The following NTM variants were observed in gnomAD, a reference collection of about 807,000 sequenced individuals.
NTM encodes IgLON family member 2.
In NTM, 13 loss-of-function variants were observed where a neutral mutation model predicts 42.1. The ratio of observed to expected loss-of-function variants is 0.31; its 90% CI spans 0.20 to 0.49. The LOEUF (loss-of-function observed/expected upper bound fraction) is 0.49. Among genes scored for constraint, NTM ranks in the 20% least tolerant of loss-of-function variants. The probability of loss-of-function intolerance (pLI) is 0.99; values close to 1 mark genes in which losing one functional copy is unlikely to be tolerated. For synonymous variants in NTM, 187 were observed against 179.2 expected (o/e 1.04, Z -0.35); for missense variants, 373 against 452.8 (o/e 0.82, Z 1.60).
chr11:131,974,546 A>G (rs1469361228), intron 2 of NTM, among the ~76,000 whole-genome samples: 2 of 152,310 alleles, frequency 1.3e-5, no homozygotes, highest in South Asian at 4.1e-4. Context: ...TGAGCATAGC[A>G]TAACGTCTGA....
At chr11:131,777,200 C>A in intron 1 of NTM, 1 of 273,434 alleles carries the variant, frequency 3.7e-6, no homozygotes, top group Non-Finnish European at 5.6e-6. Flanking sequence ...CTTTGCAAGC[C>A]TGAGCTAGAC....
At position 131,753,806 on chromosome 11, in the gene NTM, T is replaced by C. The variant is rs1309148795; in HGVS notation, c.83-157758T>C. 5.3e-5 allele frequency among the ~76,000 whole-genome samples: 8 copies of C among 151,962 alleles called. No individual in the cohort carries two copies. The South Asian group carries it at 1.0e-3, about 20-fold the overall frequency. On this transcript the variant is annotated intron_variant, in intron 1 of 8. Coordinates refer to ENST00000683400, the MANE Select transcript of NTM (RefSeq NM_001352005.2). ...TACCTAATGCTAAATGACGAATTAA[T>C]GGGTGCAGCACACCAGCATGGCACA...
At chr11:131,863,152 G>A (rs989996703) in intron 1 of NTM, among the ~76,000 whole-genome samples, 5 of 152,226 alleles carry the variant, frequency 3.3e-5, no homozygotes, top group African/African-American at 7.2e-5. Context: ...TCTAGGAAGA[G>A]TGAGATTGCA....
At chr11:132,105,117 C>T (rs1395912493) in intron 2 of NTM, among the ~76,000 whole-genome samples, 1 of 150,900 alleles carries the variant, frequency 6.6e-6, no homozygotes, top group East Asian at 2.0e-4. Context: ...TGTCAGCTCA[C>T]CCTATCTGAC....
chr11:131,657,364 T>G (rs2658816), intron 1 of NTM, among the ~76,000 whole-genome samples: 125,994 of 152,110 alleles, frequency 0.83, 52,276 homozygotes, highest in East Asian at 0.89. Flanking sequence ...GAAAAACAAG[T>G]CAAGCTTTCC....
rs574525401 is a variant in NTM, at chr11:131,375,355, T to C, written c.82+4467T>C. Among the ~76,000 whole-genome samples the C allele has an allele frequency of 1.7e-4, 26 of 152,364 alleles. 1 individual carries two copies. The South Asian group carries it at 5.0e-3, about 29-fold the overall frequency. ...CTTTCTGCTCTATTGTCTTGTTACATGTTTACTTTATGTCTATAGTCATTT... is the reference window on the plus strand; with the variant it reads ...CTTTCTGCTCTATTGTCTTGTTACACGTTTACTTTATGTCTATAGTCATTT... On this transcript the variant is annotated intron_variant, in intron 1 of 8. Coordinates refer to ENST00000683400, the MANE Select transcript of NTM (RefSeq NM_001352005.2).
intron 2 of NTM, among the ~76,000 whole-genome samples, chr11:132,124,060 A>G (rs1474490543): frequency 6.6e-6 from 1 of 152,152 alleles, no homozygotes; most frequent in East Asian, 1.9e-4. Flanking sequence ...GTTTACTACC[A>G]CACAGAGTGG....
intron 2 of NTM, chr11:131,984,636 G>A (rs1045614054): frequency 7.9e-5 from 12 of 152,096 alleles, no homozygotes; most frequent in African/African-American, 2.9e-4. Flanking sequence ...TGCATGTTGG[G>A]GTGTTTGGCA....
intron 1 of NTM, among the ~76,000 whole-genome samples, chr11:131,625,799 A>G (rs2063045454): frequency 1.3e-5 from 2 of 152,296 alleles, no homozygotes; most frequent in South Asian, 2.1e-4. Context: ...TACAACTCAC[A>G]TGAGTGAGAT....
At chr11:131,612,188 G>A (rs1169754895) in intron 1 of NTM, among the ~76,000 whole-genome samples, 1 of 152,168 alleles carries the variant, frequency 6.6e-6, no homozygotes, top group Non-Finnish European at 1.5e-5. Flanking sequence ...CTTGGAAGTG[G>A]ATCCACCCAC....
chr11:131,541,730 T>C (rs1032766527), intron 1 of NTM, among the ~76,000 whole-genome samples: 5 of 152,174 alleles, frequency 3.3e-5, no homozygotes, highest in Admixed American at 1.3e-4. Flanking sequence ...AAGAATACAA[T>C]AGCCATCTAA....
intron 4 of NTM, among the ~76,000 whole-genome samples, chr11:132,254,753 T>G (rs762105090): frequency 1.2e-4 from 18 of 152,148 alleles, no homozygotes; most frequent in Non-Finnish European, 2.4e-4. Flanking sequence ...CTCTTCTGGA[T>G]GGGTTTGGAT....
At position 131,878,569 on chromosome 11, in the gene NTM, CAAAAAAAAA is replaced by C. The variant is rs71475777; in HGVS notation, c.83-32977_83-32969del. 5.1e-4 allele frequency among the ~76,000 whole-genome samples: 3 copies of C among 5,858 alleles called. No individual in the cohort carries two copies. In the East Asian group the frequency reaches 0.016, roughly 31 times the overall value. The allele number at this position is 5,858 out of a possible 152,430, so 3.8% of individuals were successfully genotyped here. On this transcript the variant is annotated intron_variant, in intron 1 of 8. Coordinates refer to ENST00000683400, the MANE Select transcript of NTM (RefSeq NM_001352005.2). ...TAGGTGACAGAGGGAGACTCCATCT[CAAAAAAAAA>C]AAAAAAAAAAAAAAAAATATATATA...
Position 132,335,036 on chromosome 11 carries a change from C to G in NTM, c.968-10C>G. On this transcript the variant is annotated splice_polypyrimidine_tract_variant and intron_variant, in intron 8 of 8. Transcript: ENST00000683400. ...CCAGACCACTCACGGCGAGTGTGTTCTCTCCACAGGTCCAGGCGCCGTCAG... is the reference window on the plus strand; with the variant it reads ...CCAGACCACTCACGGCGAGTGTGTTGTCTCCACAGGTCCAGGCGCCGTCAG... 1 of 1,611,098 alleles carries G rather than the reference C, an allele frequency of 6.2e-7. No homozygotes were observed. The highest frequency in any genetic ancestry group is 8.5e-7 in the Non-Finnish European group (1 of 1,179,554).
intron 2 of NTM, among the ~76,000 whole-genome samples, chr11:131,965,028 C>T (rs1438892037): frequency 5.9e-5 from 9 of 151,682 alleles, no homozygotes; most frequent in East Asian, 1.9e-4. Flanking sequence ...GGGAGGATTA[C>T]GCTGGAACCT....
intron 4 of NTM, among the ~76,000 whole-genome samples, chr11:132,224,056 A>G (rs1425255865): frequency 6.6e-6 from 1 of 152,226 alleles, no homozygotes; most frequent in Non-Finnish European, 1.5e-5. Flanking sequence ...GCGGAGCAAC[A>G]TTGCCAGGTG....
intron 1 of NTM, among the ~76,000 whole-genome samples, chr11:131,629,214 G>T (rs751657311): frequency 6.6e-6 from 1 of 152,116 alleles, no homozygotes; most frequent in African/African-American, 2.4e-5. Context: ...TAAGAGTAAG[G>T]CCATGTGGCT....
intron 1 of NTM, among the ~76,000 whole-genome samples, chr11:131,648,669 A>G (rs2066072842): frequency 6.6e-6 from 1 of 152,220 alleles, no homozygotes; most frequent in Non-Finnish European, 1.5e-5. Flanking sequence ...TTTTGATAAC[A>G]TATATTCTTA....
chr11:132,135,430 C>A (rs1174377338), intron 2 of NTM, among the ~76,000 whole-genome samples: 1 of 152,240 alleles, frequency 6.6e-6, no homozygotes, highest in African/African-American at 2.4e-5. Flanking sequence ...TCTCTAGAGG[C>A]AGATTCTGGG....
Sources: allele counts gnomAD v4.1 joint callset (sites outside exome capture counted in the v4.1 genomes callset), GRCh38; gene constraint gnomAD v4.1.1; transcripts MANE v1.5; gene names NCBI Gene and HGNC (gene_info 2026-07-23, HGNC 2026-07-21).